Variants in CR1L observed in about 807,000 individuals in gnomAD.
CR1L encodes the protein complement C3b/C4b receptor 1 like.
In CR1L, 59 loss-of-function variants were observed where a neutral mutation model predicts 62.3. The observed-to-expected ratio is 0.95, with a 90% CI of 0.77 to 1.18. The LOEUF (loss-of-function observed/expected upper bound fraction) is 1.18. CR1L is among the 50% of genes most tolerant of loss of function. CR1L has a pLI of 0.00. For synonymous variants in CR1L, 279 were observed against 248.7 expected, an observed-to-expected ratio of 1.12 and a Z score of -1.15; for missense variants, 700 against 702.8, an observed-to-expected ratio of 1.00 and a Z score of 0.04.
chr1:207,710,451 A>C (rs969319657), intron 10 of CR1L: 2 of 1,592,032 alleles, frequency 1.3e-6, no homozygotes, highest in Non-Finnish European at 1.7e-6. Flanking sequence ...GAGTATTTTC[A>C]CTATGGATCA....
At chr1:207,669,428 A>T in intron 1 of CR1L, 1 of 1,273,644 alleles carries the variant, frequency 7.9e-7, no homozygotes. Context: ...TCTGGTTTGT[A>T]GATGTGCTTC....
intron 1 of CR1L, among the ~76,000 whole-genome samples, chr1:207,663,566 G>A (rs1663460513): frequency 6.6e-6 from 1 of 152,216 alleles, no homozygotes; most frequent in African/African-American, 2.4e-5. Flanking sequence ...CTAGGAAAGG[G>A]AATTCCCTGA....
intron 1 of CR1L, among the ~76,000 whole-genome samples, chr1:207,650,050 G>T (rs1196295568): frequency 6.6e-6 from 1 of 152,072 alleles, no homozygotes; most frequent in Non-Finnish European, 1.5e-5. Flanking sequence ...AGTCAAAAGT[G>T]GCTCTTGGGC....
chr1:207,698,516 A>G (rs974287159), intron 7 of CR1L, among the ~76,000 whole-genome samples: 4 of 152,232 alleles, frequency 2.6e-5, no homozygotes, highest in South Asian at 2.1e-4. Flanking sequence ...GGAGCTGACC[A>G]GCATGGGCAA....
chr1:207,647,004 C>CT (rs1338183325), intron 1 of CR1L, among the ~76,000 whole-genome samples: 5 of 140,750 alleles, frequency 3.6e-5, no homozygotes, highest in African/African-American at 1.3e-4. Flanking sequence ...TTTCTTTATC[C>CT]TTTTTTTACT....
chr1:207,648,174 AACACACAC>A lies in CR1L; in HGVS notation c.97+2868_97+2875del, dbSNP rs71154832. Among the ~76,000 whole-genome samples the A allele has an allele frequency of 5.7e-3, 718 of 125,364 alleles. 11 individuals are homozygous for A. Among genetic ancestry groups the A allele is most frequent in the African/African-American group, 0.018 (584 of 31,830 alleles). 82.2% of individuals were successfully genotyped at this position (125,364 alleles called of 152,430 possible). On this transcript the variant is annotated intron_variant, in intron 1 of 11. Coordinates refer to ENST00000508064, the MANE Select transcript of CR1L (RefSeq NM_175710.2). The stretch of plus-strand genomic sequence containing the variant: ...GGTGACAGAGTGAGACCCGGTCTCA[AACACACAC>A]ACACACACACACACACACACACAGA...
At chr1:207,723,018 C>T (rs1654172790) in intron 11 of CR1L, among the ~76,000 whole-genome samples, 2 of 152,070 alleles carry the variant, frequency 1.3e-5, no homozygotes, top group African/African-American at 2.4e-5. Flanking sequence ...TATGTGAAAA[C>T]ATACCAGAAG....
chr1:207,666,019 C>G (rs1014022446), intron 1 of CR1L, among the ~76,000 whole-genome samples: 7 of 152,202 alleles, frequency 4.6e-5, no homozygotes, highest in African/African-American at 1.7e-4. Flanking sequence ...CCTAAAGCAT[C>G]TTTACTCCAT....
intron 1 of CR1L, among the ~76,000 whole-genome samples, chr1:207,664,755 G>A (rs746409952): frequency 1.5e-4 from 23 of 152,106 alleles, no homozygotes; most frequent in Non-Finnish European, 2.9e-4. Flanking sequence ...AACTACAGGG[G>A]TATTTTTTGA....
intron 1 of CR1L, among the ~76,000 whole-genome samples, chr1:207,674,051 T>C (rs1443075405): frequency 1.3e-5 from 2 of 152,230 alleles, no homozygotes; most frequent in Non-Finnish European, 2.9e-5. Context: ...GTGTGAAGGC[T>C]AAAACATTTA....
At chr1:207,683,844 T>C (rs778041214) in intron 3 of CR1L, 28 bp from the exon 4 acceptor site, 2 of 1,596,418 alleles carry the variant, frequency 1.3e-6, no homozygotes, top group East Asian at 4.5e-5. Flanking sequence ...GTATTTAGAA[T>C]GTAACATTCC....
intron 10 of CR1L, among the ~76,000 whole-genome samples, chr1:207,715,658 T>G (rs1209423414): frequency 6.6e-6 from 1 of 152,170 alleles, no homozygotes; most frequent in Non-Finnish European, 1.5e-5. Context: ...TGCAGCACAT[T>G]TTAGTCAGTC....
chr1:207,705,383 G>A (rs1664251198), intron 9 of CR1L, among the ~76,000 whole-genome samples: 2 of 152,234 alleles, frequency 1.3e-5, no homozygotes. Flanking sequence ...CTTTGAAAAT[G>A]TCAAGTGTCA....
chr1:207,698,678 C>T (rs894941381), intron 7 of CR1L, among the ~76,000 whole-genome samples: 2 of 152,146 alleles, frequency 1.3e-5, no homozygotes, highest in South Asian at 2.1e-4. Context: ...TTTCCTTTTT[C>T]CCCTAGAATA....
intron 1 of CR1L, among the ~76,000 whole-genome samples, chr1:207,662,631 CCTT>C (rs1185314689): frequency 5.3e-5 from 8 of 152,130 alleles, no homozygotes; most frequent in African/African-American, 1.7e-4. Context: ...TCGTCTGAAG[CCTT>C]CTTCTCTCAA....
At chr1:207,715,098 G>A (rs1653960074) in intron 10 of CR1L, among the ~76,000 whole-genome samples, 1 of 152,122 alleles carries the variant, frequency 6.6e-6, no homozygotes, top group Non-Finnish European at 1.5e-5. Context: ...AGGGTACCAT[G>A]GTTCTTTAGA....
intron 10 of CR1L, among the ~76,000 whole-genome samples, chr1:207,708,548 A>G (rs963420873): frequency 3.9e-5 from 6 of 152,252 alleles, no homozygotes; most frequent in Non-Finnish European, 8.8e-5. Flanking sequence ...CAGTTTGAAG[A>G]GCATTTTCTT....
intron 4 of CR1L, among the ~76,000 whole-genome samples, chr1:207,693,842 TATC>T (rs1384674957): frequency 1.3e-5 from 2 of 152,162 alleles, no homozygotes; most frequent in Non-Finnish European, 2.9e-5. Flanking sequence ...TTTCCATTTA[TATC>T]ATTTAGATTT....
At chr1:207,689,437 A>G (rs549659652) in intron 4 of CR1L, among the ~76,000 whole-genome samples, 2 of 152,156 alleles carry the variant, frequency 1.3e-5, no homozygotes, top group South Asian at 2.1e-4. Context: ...TTGATTTAAT[A>G]TTTAAAATCA....
Sources: gnomAD v4.1 joint callset for allele counts (sites outside exome capture counted in the v4.1 genomes callset) on GRCh38, gnomAD v4.1.1 for gene constraint, MANE v1.5 for transcripts, NCBI Gene and HGNC (gene_info 2026-07-23, HGNC 2026-07-21) for gene names.